SUGCT: variants seen among roughly 807,000 people sequenced by gnomAD.
SUGCT encodes the protein succinyl-CoA:glutarate-CoA transferase, also known as succinyl-CoA:glutarate CoA-transferase.
Under a neutral mutation model 55.0 loss-of-function variants are expected in SUGCT, and 41 were observed. The ratio of observed to expected loss-of-function variants is 0.74; its 90% CI spans 0.58 to 0.97. SUGCT has a LOEUF of 0.97. Among genes scored for constraint, SUGCT ranks in the 50% least tolerant of loss-of-function variants. The probability of loss-of-function intolerance (pLI) is 0.00; values close to 1 mark genes in which losing one functional copy is unlikely to be tolerated. For synonymous variants in SUGCT, 187 were observed against 200.4 expected (o/e 0.93, Z 0.56); for missense variants, 568 against 547.8 (o/e 1.04, Z -0.37).
At chr7:40,511,086 A>G (rs1792901545) in intron 12 of SUGCT, among the ~76,000 whole-genome samples, 1 of 152,200 alleles carries the variant, frequency 6.6e-6, no homozygotes, top group Non-Finnish European at 1.5e-5. Flanking sequence ...TCACAGTTAG[A>G]CATAGTATTT....
intron 12 of SUGCT, among the ~76,000 whole-genome samples, chr7:40,719,284 T>C (rs1287005143): frequency 6.6e-6 from 1 of 152,222 alleles, no homozygotes; most frequent in African/African-American, 2.4e-5. Context: ...TATCCTAATC[T>C]TTTTCACATT....
intron 8 of SUGCT, 53 bp from the exon 9 acceptor site, chr7:40,316,707 A>T: frequency 8.7e-7 from 1 of 1,150,326 alleles, no homozygotes; most frequent in Non-Finnish European, 1.3e-6. Context: ...TCTCTTTATG[A>T]GTATAGATAA....
intron 12 of SUGCT, among the ~76,000 whole-genome samples, chr7:40,713,406 T>C (rs990550474): frequency 6.6e-6 from 1 of 152,224 alleles, no homozygotes; most frequent in Non-Finnish European, 1.5e-5. Flanking sequence ...CTTTTCTTGG[T>C]TATCTTCTGC....
intron 12 of SUGCT, among the ~76,000 whole-genome samples, chr7:40,579,603 T>C (rs1796961409): frequency 6.6e-6 from 1 of 152,206 alleles, no homozygotes; most frequent in African/African-American, 2.4e-5. Context: ...TCTATTTTTA[T>C]GGAAACAGAC....
downstream of SUGCT, among the ~76,000 whole-genome samples, chr7:40,864,759 CCAAGGA>C (rs932047012): frequency 3.0e-4 from 46 of 151,866 alleles, no homozygotes; most frequent in African/African-American, 1.0e-3. Context: ...AGCTGCAGAT[CCAAGGA>C]CACATTTCCT....
intron 12 of SUGCT, among the ~76,000 whole-genome samples, chr7:40,714,149 A>C (rs1369073338): frequency 2.0e-5 from 3 of 151,922 alleles, no homozygotes; most frequent in African/African-American, 2.4e-5. Context: ...GCCCAACATG[A>C]TGAAACCCTG....
chr7:40,806,669 G>A (rs1791110077), intron 13 of SUGCT, among the ~76,000 whole-genome samples: 1 of 152,086 alleles, frequency 6.6e-6, no homozygotes, highest in Admixed American at 6.5e-5. Flanking sequence ...TGTATTCAGA[G>A]TGACTCTACC....
chr7:40,699,102 G>T (rs1785064723), intron 12 of SUGCT, among the ~76,000 whole-genome samples: 1 of 152,098 alleles, frequency 6.6e-6, no homozygotes, highest in South Asian at 2.1e-4. Flanking sequence ...AATTCACCTG[G>T]TTTTCGATTT....
At chr7:40,469,365 A>G (rs938343673) in intron 11 of SUGCT, among the ~76,000 whole-genome samples, 2 of 152,198 alleles carry the variant, frequency 1.3e-5, no homozygotes, top group Non-Finnish European at 2.9e-5. Flanking sequence ...TGAGGGTCAC[A>G]TTTGTTTTCT....
At chr7:40,507,874 C>A (rs192769586) in intron 12 of SUGCT, among the ~76,000 whole-genome samples, 17 of 152,286 alleles carry the variant, frequency 1.1e-4, no homozygotes, top group African/African-American at 4.1e-4. Context: ...CAGAAGGGCT[C>A]ATCTTGATTG....
chr7:40,253,527 G>A (rs374675913), intron 7 of SUGCT, among the ~76,000 whole-genome samples: 156 of 152,206 alleles, frequency 1.0e-3, no homozygotes, highest in African/African-American at 3.7e-3. Context: ...GAACATAATC[G>A]GCATTCACAT....
the SUGCT span, among the ~76,000 whole-genome samples, chr7:40,948,903 T>C: frequency 3.3e-5 from 5 of 152,204 alleles, no homozygotes; most frequent in Admixed American, 2.6e-4. Context: ...TGAATATTGC[T>C]GCAATAAACA....
At chr7:40,281,929 T>C (rs992858470) in intron 8 of SUGCT, among the ~76,000 whole-genome samples, 1 of 152,088 alleles carries the variant, frequency 6.6e-6, no homozygotes, top group Non-Finnish European at 1.5e-5. Context: ...CAAATGACTC[T>C]CCTGCCTCAG....
chr7:40,155,306 C>T (rs1416712580), intron 1 of SUGCT, among the ~76,000 whole-genome samples: 3 of 149,184 alleles, frequency 2.0e-5, no homozygotes, highest in African/African-American at 7.5e-5. Flanking sequence ...AAATAGCAGA[C>T]ACATTGGTAT....
intron 6 of SUGCT, among the ~76,000 whole-genome samples, chr7:40,224,642 T>C: frequency 6.6e-6 from 1 of 152,210 alleles, no homozygotes; most frequent in East Asian, 1.9e-4. Flanking sequence ...AAACATTTAT[T>C]TTGATAGTTT....
intron 11 of SUGCT, among the ~76,000 whole-genome samples, chr7:40,476,761 A>C (rs991027625): frequency 1.3e-5 from 2 of 151,938 alleles, no homozygotes; most frequent in Non-Finnish European, 2.9e-5. Flanking sequence ...GTACAAATGG[A>C]ATGATTCAAT....
chr7:40,728,902 T>C lies in SUGCT; in HGVS notation c.1090-20532T>C, dbSNP rs573796892. Among the ~76,000 whole-genome samples, 9 of 152,292 alleles carry C rather than the reference T, an allele frequency of 5.9e-5. No homozygotes were observed. The East Asian group carries it at 1.7e-3, about 29-fold the overall frequency. On this transcript the variant is annotated intron_variant, in intron 12 of 13. Coordinates refer to ENST00000335693, the MANE Select transcript of SUGCT (RefSeq NM_001193313.2). ...AATCTCAGCTAAATTTGTTTAATGC[T>C]GTGTGCCAAATGCTCCTCAGTGTTT... is the stretch of plus-strand genomic sequence containing the variant.
the SUGCT span, among the ~76,000 whole-genome samples, chr7:40,939,871 G>C: frequency 4.8e-5 from 7 of 144,412 alleles, no homozygotes; most frequent in South Asian, 1.6e-3. Flanking sequence ...CTGTGGAGAA[G>C]CTTTTTAGTT....
At chr7:41,009,161 C>A in the SUGCT span, among the ~76,000 whole-genome samples, 1 of 148,200 alleles carries the variant, frequency 6.7e-6, no homozygotes, top group Admixed American at 6.7e-5. Context: ...TTATAGTGAG[C>A]CATGACAGTG....
Sources: allele counts gnomAD v4.1 joint callset (sites outside exome capture counted in the v4.1 genomes callset), GRCh38; gene constraint gnomAD v4.1.1; transcripts MANE v1.5; gene names NCBI Gene and HGNC (gene_info 2026-07-23, HGNC 2026-07-21).